POM121C: variants seen among roughly 807,000 people sequenced by gnomAD.
The protein encoded by POM121C is POM121 transmembrane nucleoporin C, also known as nuclear envelope pore membrane protein POM 121C.
A neutral mutation model predicts 66.4 loss-of-function variants in POM121C; 20 were observed. The observed-to-expected ratio is 0.30, with a 90% CI of 0.21 to 0.44. The LOEUF is 0.44. POM121C is among the 20% of genes least tolerant of loss of function. The pLI, the probability that POM121C is intolerant of heterozygous loss-of-function variation, is 1.00. For synonymous variants in POM121C, 286 were observed against 528.0 expected, an observed-to-expected ratio of 0.54 and a Z score of 6.28; for missense variants, 580 against 1,225.7, an observed-to-expected ratio of 0.47 and a Z score of 7.87.
At chr7:75,471,296 C>T (rs1433047976) in intron 3 of POM121C, among the ~76,000 whole-genome samples, 32 of 152,050 alleles carry the variant, frequency 2.1e-4, no homozygotes, top group Non-Finnish European at 4.4e-4. Flanking sequence ...GCAGCCTCTG[C>T]CTCCTGGGTT....
chr7:75,448,833 A>T (rs1305593114), intron 3 of POM121C, among the ~76,000 whole-genome samples: 3 of 150,898 alleles, frequency 2.0e-5, no homozygotes, highest in African/African-American at 7.3e-5. Context: ...ATTAGAAACA[A>T]CTCTGAAAAA....
At chr7:75,438,657 C>T (rs1245663542) in intron 6 of POM121C, among the ~76,000 whole-genome samples, 2 of 152,214 alleles carry the variant, frequency 1.3e-5, no homozygotes, top group Non-Finnish European at 2.9e-5. Context: ...TCTAGTCTTT[C>T]TTCTAACAGC....
intron 3 of POM121C, among the ~76,000 whole-genome samples, chr7:75,456,234 G>A (rs1224742610): frequency 6.6e-6 from 1 of 152,198 alleles, no homozygotes; most frequent in East Asian, 1.9e-4. Flanking sequence ...GTACAACCCT[G>A]CTCTTAAAAA....
intron 3 of POM121C, among the ~76,000 whole-genome samples, chr7:75,465,895 C>CAAAAAA (rs35108311): frequency 1.0e-3 from 16 of 15,240 alleles, no homozygotes; most frequent in African/African-American, 4.1e-3. Context: ...CACCCTGTCT[C>CAAAAAA]AAAAAAAAAA....
intron 1 of POM121C, 24 bp downstream of exon 1, chr7:75,485,840 C>T: frequency 1.2e-5 from 6 of 503,278 alleles, no homozygotes; most frequent in South Asian, 5.8e-5. Flanking sequence ...CTTCTCGCTC[C>T]GGGCCCAAAA....
chr7:75,455,911 C>G (rs1183924843), intron 3 of POM121C, among the ~76,000 whole-genome samples: 1 of 152,124 alleles, frequency 6.6e-6, no homozygotes, highest in Non-Finnish European at 1.5e-5. Context: ...CGAGCACTCA[C>G]TAAAGGTGTG....
intron 5 of POM121C, 61 bp downstream of exon 5, chr7:75,440,893 A>G (rs1790617798): frequency 6.2e-7 from 1 of 1,613,124 alleles, no homozygotes; most frequent in Non-Finnish European, 8.5e-7. Context: ...GGGAATGTCT[A>G]CATCTCATCC....
chr7:75,437,752 G>T, intron 6 of POM121C, 66 bp from the exon 7 acceptor site: 16 of 1,496,344 alleles, frequency 1.1e-5, no homozygotes, highest in Non-Finnish European at 1.3e-5. Flanking sequence ...TTCATCCACG[G>T]TCATGACATC....
chr7:75,441,437 A>C lies in POM121C; in HGVS notation c.60T>G (p.Ser20=). The C allele has an allele frequency of 6.2e-7, 1 of 1,613,994 alleles. No homozygotes were observed. Among genetic ancestry groups the C allele is most frequent in the Non-Finnish European group, 8.5e-7 (1 of 1,179,864 alleles). ...CTTCCAACGATAATACTCACATCGC[A>C]GAACGTGAAAATCTTCTGTCAGGAG... ...IAPPDRRFSR[S]AIPEQIISST... Residue 20 remains serine, a synonymous_variant, in exon 4 of 15, where the codon TCT becomes TCG. Coordinates refer to ENST00000615331, the MANE Select transcript of POM121C (RefSeq NM_001099415.3).
intron 12 of POM121C, 107 bp downstream of exon 12, chr7:75,423,942 C>T (rs1354908800): frequency 2.3e-5 from 35 of 1,513,712 alleles, no homozygotes; most frequent in Admixed American, 1.0e-4. Context: ...AGGGTGCGTT[C>T]GGCCTGCAGA....
intron 3 of POM121C, among the ~76,000 whole-genome samples, chr7:75,455,727 T>C (rs1270494315): frequency 6.6e-6 from 1 of 152,154 alleles, no homozygotes; most frequent in African/African-American, 2.4e-5. Context: ...ATTACATTCC[T>C]ATCAGTTTAC....
At chr7:75,421,030 T>C (rs1425561732) in intron 13 of POM121C, 1 of 259,594 alleles carries the variant, frequency 3.9e-6, no homozygotes, top group Non-Finnish European at 7.4e-6. Context: ...CAGAGTACAG[T>C]GTGGCATGAT....
chr7:75,441,230 T>G (rs1790635686), intron 4 of POM121C, 115 bp from the exon 5 acceptor site: 16 of 1,496,694 alleles, frequency 1.1e-5, no homozygotes, highest in Non-Finnish European at 1.5e-5. Context: ...CTCACAACAG[T>G]TCCCCTTAGC....
At chr7:75,451,187 T>C (rs1338628937) in intron 3 of POM121C, among the ~76,000 whole-genome samples, 1 of 152,152 alleles carries the variant, frequency 6.6e-6, no homozygotes, top group East Asian at 1.9e-4. Flanking sequence ...TTAAATTTCA[T>C]ATGAAACCAA....
At chr7:75,442,523 C>G in intron 3 of POM121C, 3 of 1,443,160 alleles carry the variant, frequency 2.1e-6, no homozygotes, top group Non-Finnish European at 1.8e-6. Context: ...CAGTCCCCAC[C>G]AGGCCGCGGT....
At chr7:75,461,506 C>T (rs6950610) in intron 3 of POM121C, among the ~76,000 whole-genome samples, 11,591 of 152,102 alleles carry the variant, frequency 0.076, 1,507 homozygotes, top group African/African-American at 0.26. Context: ...ACCTCCGCCT[C>T]CTGGGTTCAA....
intron 3 of POM121C, among the ~76,000 whole-genome samples, chr7:75,456,728 G>A (rs1791230464): frequency 6.6e-6 from 1 of 152,292 alleles, no homozygotes; most frequent in Admixed American, 6.5e-5. Context: ...AAAATGAGAA[G>A]TAACACCCTA....
At chr7:75,447,728 A>C (rs1391377967) in intron 3 of POM121C, among the ~76,000 whole-genome samples, 2 of 152,124 alleles carry the variant, frequency 1.3e-5, no homozygotes, top group Non-Finnish European at 2.9e-5. Context: ...CTCTAAAAAA[A>C]AAAACAAAAA....
At chr7:75,434,430 A>G (rs1563142118) in intron 7 of POM121C, among the ~76,000 whole-genome samples, 1 of 149,608 alleles carries the variant, frequency 6.7e-6, no homozygotes, top group Admixed American at 6.6e-5. Context: ...ACACGCCACC[A>G]CACCTGGTTA....
Sources: allele counts gnomAD v4.1 joint callset (sites outside exome capture counted in the v4.1 genomes callset), GRCh38; gene constraint gnomAD v4.1.1; transcripts MANE v1.5; gene names NCBI Gene and HGNC (gene_info 2026-07-23, HGNC 2026-07-21).